The following FSTL4 variants were observed in gnomAD, a reference collection of about 807,000 sequenced individuals.
FSTL4 encodes follistatin like 4.
In FSTL4, 28 loss-of-function variants were observed where a neutral mutation model predicts 78.2. The observed-to-expected ratio is 0.36, with a 90% CI of 0.27 to 0.49. The LOEUF (loss-of-function observed/expected upper bound fraction) is 0.49, where lower values mean the gene tolerates loss of function less well. Ranked by LOEUF, FSTL4 falls within the 20% of genes least tolerant of loss-of-function variation. The pLI, the probability that FSTL4 is intolerant of heterozygous loss-of-function variation, is 0.98. For synonymous variants in FSTL4, 422 were observed against 440.5 expected (o/e 0.96, Z 0.53); for missense variants, 922 against 1,084.9 (o/e 0.85, Z 2.11).
At chr5:133,464,694 G>A (rs1757667689) in intron 3 of FSTL4, among the ~76,000 whole-genome samples, 1 of 152,216 alleles carries the variant, frequency 6.6e-6, no homozygotes, top group African/African-American at 2.4e-5. Flanking sequence ...GGAAAACTTG[G>A]TCCCTGGACC....
At chr5:133,472,030 TG>T (rs1490791434) in intron 3 of FSTL4, among the ~76,000 whole-genome samples, 1 of 152,130 alleles carries the variant, frequency 6.6e-6, no homozygotes, top group Non-Finnish European at 1.5e-5. Flanking sequence ...ATAGTGACCT[TG>T]GGGGCCACAC....
At chr5:133,456,308 C>T (rs1757488213) in intron 3 of FSTL4, among the ~76,000 whole-genome samples, 1 of 152,230 alleles carries the variant, frequency 6.6e-6, no homozygotes. Flanking sequence ...CGTCCTGAGA[C>T]AACAAGTGGG....
intron 4 of FSTL4, among the ~76,000 whole-genome samples, chr5:133,330,132 C>T (rs960491840): frequency 6.6e-6 from 1 of 152,224 alleles, no homozygotes; most frequent in African/African-American, 2.4e-5. Context: ...TAGGTGCTGA[C>T]ATCTGGCCTC....
At chr5:133,613,378 C>T (rs998335203), upstream of FSTL4, among the ~76,000 whole-genome samples, 1 of 152,204 alleles carries the variant, frequency 6.6e-6, no homozygotes, top group African/African-American at 2.4e-5. Flanking sequence ...CCTGCTCTGG[C>T]TGCGTGGGCA....
In FSTL4 at chr5:133,612,164, C is replaced by T. The variant is rs1482384869; in HGVS notation, c.-11+161G>A. Among the ~76,000 whole-genome samples, 2 of 151,904 alleles carry T rather than the reference C, an allele frequency of 1.3e-5. No homozygotes were observed. Among genetic ancestry groups the T allele is most frequent in the African/African-American group, 4.8e-5 (2 of 41,408 alleles). ...TCCCCGCGGGCAAACTTGGCTTTCC[C>T]GGCGCGGGCAGTAAGGACAAGCAAG... On this transcript the variant is annotated intron_variant, in intron 1 of 15. Coordinates refer to ENST00000265342, the MANE Select transcript of FSTL4 (RefSeq NM_015082.2). This position sits in a 1 kb window ranked among gnomAD's most constrained non-coding sequence, Gnocchi z 6.2.
intron 4 of FSTL4, among the ~76,000 whole-genome samples, chr5:133,336,407 G>A (rs1183425732): frequency 6.6e-6 from 1 of 152,240 alleles, no homozygotes; most frequent in African/African-American, 2.4e-5. Context: ...ATGAGAAGAT[G>A]TGGGCACAGC....
At chr5:133,582,154 T>C (rs1239046639) in intron 2 of FSTL4, among the ~76,000 whole-genome samples, 1 of 152,176 alleles carries the variant, frequency 6.6e-6, no homozygotes, top group African/African-American at 2.4e-5. Flanking sequence ...GCCAGCTCAG[T>C]ATCCAGAACT....
At chr5:133,771,700 C>G in the FSTL4 span, among the ~76,000 whole-genome samples, 1 of 152,066 alleles carries the variant, frequency 6.6e-6, no homozygotes, top group Non-Finnish European at 1.5e-5. Context: ...ATTTGACTTC[C>G]TCTTTTCCAA....
intron 8 of FSTL4, among the ~76,000 whole-genome samples, chr5:133,231,702 ATGGC>A (rs1206944993): frequency 6.6e-6 from 1 of 151,782 alleles, no homozygotes; most frequent in Non-Finnish European, 1.5e-5. Flanking sequence ...GCCACCACAC[ATGGC>A]TAATTTTTGC....
At chr5:133,443,332 C>T (rs1196899008) in intron 3 of FSTL4, among the ~76,000 whole-genome samples, 1 of 152,218 alleles carries the variant, frequency 6.6e-6, no homozygotes, top group Non-Finnish European at 1.5e-5. Context: ...TTAAGGATTC[C>T]CATCTGGGAA....
At chr5:133,719,117 C>T in the FSTL4 span, among the ~76,000 whole-genome samples, 1 of 152,086 alleles carries the variant, frequency 6.6e-6, no homozygotes, top group African/African-American at 2.4e-5. Context: ...GCTTTGGCTA[C>T]ATTTACAAGT....
intron 3 of FSTL4, among the ~76,000 whole-genome samples, chr5:133,481,283 G>A (rs1286701947): frequency 1.3e-5 from 2 of 152,200 alleles, no homozygotes; most frequent in African/African-American, 4.8e-5. Flanking sequence ...GTTCACATCT[G>A]TAATCCCAGC....
chr5:133,834,645 C>T, the FSTL4 span, among the ~76,000 whole-genome samples: 1 of 151,950 alleles, frequency 6.6e-6, no homozygotes, highest in Non-Finnish European at 1.5e-5. Context: ...TGTTAATTTT[C>T]TGAATTCTAC....
chr5:133,289,937 G>C (rs997070202), intron 6 of FSTL4, among the ~76,000 whole-genome samples: 2 of 152,192 alleles, frequency 1.3e-5, no homozygotes, highest in African/African-American at 4.8e-5. Context: ...TGTCTCAATT[G>C]CATTTGTATT....
At chr5:133,746,078 G>A in the FSTL4 span, among the ~76,000 whole-genome samples, 1 of 152,180 alleles carries the variant, frequency 6.6e-6, no homozygotes, top group Non-Finnish European at 1.5e-5. Flanking sequence ...TTTAACGCCT[G>A]AGAAAATAAA....
the FSTL4 span, among the ~76,000 whole-genome samples, chr5:133,728,482 C>A: frequency 6.6e-6 from 1 of 152,210 alleles, no homozygotes; most frequent in East Asian, 1.9e-4. Context: ...AAGGTCCATC[C>A]ACCTTTATCA....
chr5:133,433,358 C>CGGGGTACCCACGCAAGGGT (rs1274675487), intron 3 of FSTL4, among the ~76,000 whole-genome samples: 4 of 152,214 alleles, frequency 2.6e-5, no homozygotes, highest in African/African-American at 9.7e-5. Flanking sequence ...TAACTGGCAA[C>CGGGGTACCCACGCAAGGGT]GGGGTACCCA....
In FSTL4 at chr5:133,198,089, C is replaced by T. The variant is rs1171454124; in HGVS notation, c.*1006G>A. 1.3e-5 allele frequency: 2 copies of T among 152,674 alleles called. No individual in the cohort carries two copies. Among genetic ancestry groups the T allele is most frequent in the East Asian group, 1.9e-4 (1 of 5,190 alleles). 9.5% of individuals were successfully genotyped at this position (152,674 alleles called of 1,614,324 possible). A position where few individuals can be genotyped will look rare whatever the true frequency, so the allele number is the denominator to read the frequency against. On this transcript the variant is annotated 3_prime_UTR_variant, in exon 16 of 16. Coordinates refer to ENST00000265342, the MANE Select transcript of FSTL4 (RefSeq NM_015082.2). The stretch of plus-strand genomic sequence containing the variant: ...GAAAAGGTATAGCTTCAGGAACTCA[C>T]CTGGCCCCACTCGTGTCCTTGGGGT...
chr5:133,809,441 A>C, the FSTL4 span, among the ~76,000 whole-genome samples: 1 of 150,510 alleles, frequency 6.6e-6, no homozygotes, highest in Non-Finnish European at 1.5e-5. Context: ...AGAGGAGTGC[A>C]GGAGTATCTT....
Sources: allele counts gnomAD v4.1 joint callset (sites outside exome capture counted in the v4.1 genomes callset), GRCh38; gene constraint gnomAD v4.1.1; non-coding constraint Gnocchi (gnomAD v3.1); transcripts MANE v1.5; gene names NCBI Gene and HGNC (gene_info 2026-07-23, HGNC 2026-07-21).